The following FAM117B variants were observed in gnomAD, a reference collection of about 807,000 sequenced individuals.
The protein encoded by FAM117B is family with sequence similarity 117 member B.
FAM117B carries 22 observed loss-of-function variants against 52.8 expected under a neutral mutation model. The observed-to-expected ratio is 0.42, with a 90% CI of 0.30 to 0.59. The LOEUF (loss-of-function observed/expected upper bound fraction) is 0.59. FAM117B is among the 20% of genes least tolerant of loss of function. FAM117B has a pLI of 0.22. For missense variants in FAM117B, 678 were observed against 802.6 expected, an observed-to-expected ratio of 0.84 and a Z score of 1.88; for synonymous variants, 309 against 324.1, an observed-to-expected ratio of 0.95 and a Z score of 0.50.
At chr2:202,692,046 G>A (rs950536564) in intron 1 of FAM117B, among the ~76,000 whole-genome samples, 18 of 152,242 alleles carry the variant, frequency 1.2e-4, no homozygotes, top group Admixed American at 6.5e-4. Context: ...CACAGTTGCT[G>A]TAACTATTGT....
In FAM117B at chr2:202,635,150, C is replaced by T. The variant is rs1049054013; in HGVS notation, c.-38C>T. Reference sequence around the variant, plus strand: ...CCCCTGCAGCCCAACAACAACAAAACCCCCCGTCTCGCCCAGTCACCGGGG... The same window carrying T: ...CCCCTGCAGCCCAACAACAACAAAATCCCCCGTCTCGCCCAGTCACCGGGG... On this transcript the variant is annotated 5_prime_UTR_variant, in exon 1 of 8. Coordinates refer to ENST00000392238, the MANE Select transcript of FAM117B (RefSeq NM_173511.4). 4.5e-5 allele frequency: 57 copies of T among 1,255,508 alleles called. No homozygotes were observed. Among genetic ancestry groups the T allele is most frequent in the Admixed American group, 8.3e-5 (2 of 24,062 alleles). The allele number at this position is 1,255,508 out of a possible 1,614,324, so 77.8% of individuals were successfully genotyped here.
intron 2 of FAM117B, among the ~76,000 whole-genome samples, chr2:202,696,297 T>A (rs1176598238): frequency 6.6e-6 from 1 of 152,186 alleles, no homozygotes; most frequent in Non-Finnish European, 1.5e-5. Flanking sequence ...TTTTTCCCAC[T>A]TATTCTTTAT....
chr2:202,724,168 C>T (rs1691199429), intron 2 of FAM117B, among the ~76,000 whole-genome samples: 1 of 150,088 alleles, frequency 6.7e-6, no homozygotes, highest in Admixed American at 6.7e-5. Flanking sequence ...AGCGATTCTC[C>T]TGCCTCAGCC....
intron 4 of FAM117B, among the ~76,000 whole-genome samples, chr2:202,739,402 T>G (rs546886098): frequency 6.6e-6 from 1 of 151,060 alleles, no homozygotes; most frequent in Non-Finnish European, 1.5e-5. Context: ...CGTCTGTCTT[T>G]CTGTCTGTCT....
Position 202,765,876 on chromosome 2 carries a change from T to A in FAM117B, c.*112T>A. On this transcript the variant is annotated 3_prime_UTR_variant, in exon 8 of 8. Coordinates refer to ENST00000392238, the MANE Select transcript of FAM117B (RefSeq NM_173511.4). ...GCTGTGATGTGCTCCAGCTTTCCAG[T>A]GACATGTGACGGCGAGGCTTCTGGA... 1 of 1,133,010 alleles carries A rather than the reference T, an allele frequency of 8.8e-7. No homozygotes were observed. Among genetic ancestry groups the A allele is most frequent in the Non-Finnish European group, 1.2e-6 (1 of 807,098 alleles). The allele number at this position is 1,133,010 out of a possible 1,614,324, so 70.2% of individuals were successfully genotyped here.
intron 4 of FAM117B, among the ~76,000 whole-genome samples, chr2:202,733,475 A>G (rs1387211468): frequency 2.6e-5 from 4 of 152,172 alleles, no homozygotes; most frequent in African/African-American, 2.4e-5. Context: ...TCTCAACCGC[A>G]TAAGACAGAC....
chr2:202,672,915 G>T (rs1176195767), intron 1 of FAM117B, among the ~76,000 whole-genome samples: 2 of 151,844 alleles, frequency 1.3e-5, no homozygotes, highest in Non-Finnish European at 2.9e-5. Flanking sequence ...TGACATGGTG[G>T]CATGCACCTG....
chr2:202,703,661 C>T (rs1690829109), intron 2 of FAM117B, among the ~76,000 whole-genome samples: 1 of 152,174 alleles, frequency 6.6e-6, no homozygotes, highest in Non-Finnish European at 1.5e-5. Context: ...GCCTTAATCT[C>T]TCTTAATGGG....
chr2:202,743,329 G>A (rs1323306204), intron 4 of FAM117B, among the ~76,000 whole-genome samples: 1 of 152,044 alleles, frequency 6.6e-6, no homozygotes, highest in East Asian at 1.9e-4. Context: ...CTACACTACT[G>A]CACCCACCCA....
intron 2 of FAM117B, among the ~76,000 whole-genome samples, chr2:202,720,157 T>C (rs2105785377): frequency 6.6e-6 from 1 of 152,314 alleles, no homozygotes; most frequent in South Asian, 2.1e-4. Flanking sequence ...ATTACTATAA[T>C]AGTTCCAAAG....
At chr2:202,722,767 C>T (rs1417065833) in intron 2 of FAM117B, among the ~76,000 whole-genome samples, 3 of 151,798 alleles carry the variant, frequency 2.0e-5, no homozygotes, top group Non-Finnish European at 4.4e-5. Flanking sequence ...ACAACAAACC[C>T]CCATGACACG....
intron 4 of FAM117B, among the ~76,000 whole-genome samples, chr2:202,731,488 T>A (rs925654351): frequency 6.6e-6 from 1 of 151,458 alleles, no homozygotes; most frequent in African/African-American, 2.4e-5. Flanking sequence ...TGGAGTGCAG[T>A]GGCGCGACCT....
intron 1 of FAM117B, among the ~76,000 whole-genome samples, chr2:202,646,413 G>C (rs1371790889): frequency 6.6e-6 from 1 of 152,178 alleles, no homozygotes; most frequent in Non-Finnish European, 1.5e-5. Context: ...GAAAGAAGAC[G>C]CAGGGACTCC....
intron 7 of FAM117B, 56 bp from the exon 8 acceptor site, chr2:202,765,390 T>G: frequency 6.8e-7 from 1 of 1,462,298 alleles, no homozygotes; most frequent in Non-Finnish European, 9.2e-7. Context: ...TTTTTTTTTT[T>G]TTTATTTTTT....
intron 1 of FAM117B, among the ~76,000 whole-genome samples, chr2:202,664,402 G>C (rs1690172078): frequency 6.6e-6 from 1 of 152,204 alleles, no homozygotes; most frequent in Non-Finnish European, 1.5e-5. Context: ...GTGGCTAATA[G>C]TGCTAGGTAG....
intron 1 of FAM117B, among the ~76,000 whole-genome samples, chr2:202,648,325 C>T (rs970594502): frequency 1.3e-5 from 2 of 152,038 alleles, no homozygotes; most frequent in Admixed American, 6.6e-5. Flanking sequence ...GCCTGGGCAA[C>T]ATGGTGAAAC....
rs1027331930 is a variant in FAM117B at position 202,714,415 on chromosome 2, C to T, written c.754-10502C>T. Reference sequence around the variant, plus strand: ...TACTGAAAGTGGGGTGGTGAAGTCTCCAGCTGTTATTGTATTGGGGTCCAT... The same window carrying T: ...TACTGAAAGTGGGGTGGTGAAGTCTTCAGCTGTTATTGTATTGGGGTCCAT... On this transcript the variant is annotated intron_variant, in intron 2 of 7. Coordinates refer to ENST00000392238, the MANE Select transcript of FAM117B (RefSeq NM_173511.4). 3.9e-5 allele frequency among the ~76,000 whole-genome samples: 6 copies of T among 151,986 alleles called. No individual in the cohort carries two copies. The East Asian group carries it at 5.8e-4, about 15-fold the overall frequency.
chr2:202,765,744 A>T lies in FAM117B; in HGVS notation c.1750A>T (p.Ile584Phe), dbSNP rs372145263. The T allele has an allele frequency of 6.2e-7, 1 of 1,614,034 alleles. No individual in the cohort carries two copies. The highest frequency in any genetic ancestry group is 1.7e-5 in the Admixed American group (1 of 60,026). The change falls in exon 8 of 8, where the codon ATT becomes TTT. Residue 584 changes from isoleucine to phenylalanine, a missense_variant. By Grantham distance (21) the Ile-to-Phe change is conservative (BLOSUM62 0). This residue lies in a region of FAM117B where 68 missense variants were observed against 80.6 expected (regional missense o/e 0.84). Transcript: ENST00000392238. ...TTCTCTACTCCCACCACCAGAACCA[A>T]TTGAGGAAGCTGAAGGATAGGTCAC... The part of the protein sequence containing the change: ...SASLLPPPEP[I>F]EEAEG
At chr2:202,741,001 A>G (rs1461812856) in intron 4 of FAM117B, among the ~76,000 whole-genome samples, 1 of 152,228 alleles carries the variant, frequency 6.6e-6, no homozygotes, top group Non-Finnish European at 1.5e-5. Context: ...TAATGGGGAA[A>G]CATGAGAGAT....
Sources: allele counts gnomAD v4.1 joint callset (sites outside exome capture counted in the v4.1 genomes callset), GRCh38; gene constraint gnomAD v4.1.1; regional missense constraint gnomAD v4.1.1; transcripts MANE v1.5; gene names NCBI Gene and HGNC (gene_info 2026-07-23, HGNC 2026-07-21).